Variants in BEND3 observed in about 807,000 individuals in gnomAD.
BEND3 encodes BEN domain-containing protein 3.
A neutral mutation model predicts 60.1 loss-of-function variants in BEND3; 13 were observed. That is an observed-to-expected ratio of 0.22 (90% CI 0.14 to 0.34). The LOEUF is 0.34. BEND3 is among the 10% of genes least tolerant of loss of function. The probability of loss-of-function intolerance (pLI) is 1.00; values close to 1 mark genes in which losing one functional copy is unlikely to be tolerated. For missense variants in BEND3, 896 were observed against 1,138.1 expected (o/e 0.79, Z 3.06); for synonymous variants, 497 against 491.5 (o/e 1.01, Z -0.15).
chr6:107,087,520 C>T (rs782790656), intron 3 of BEND3, among the ~76,000 whole-genome samples: 2 of 151,964 alleles, frequency 1.3e-5, no homozygotes, highest in Non-Finnish European at 2.9e-5. Flanking sequence ...CGGCGGATCA[C>T]GAGGTCAGGA....
chr6:107,089,530 G>A (rs1410957746), intron 3 of BEND3, among the ~76,000 whole-genome samples: 6 of 149,278 alleles, frequency 4.0e-5, no homozygotes, highest in African/African-American at 1.5e-4. Flanking sequence ...AGCTTGCAGT[G>A]AGCCAAGATC....
intron 3 of BEND3, among the ~76,000 whole-genome samples, chr6:107,079,059 G>A (rs994506228): frequency 5.3e-5 from 8 of 152,040 alleles, no homozygotes; most frequent in Admixed American, 6.5e-5. Flanking sequence ...CCAGAGGAGC[G>A]GATCAGTGGA....
intron 3 of BEND3, among the ~76,000 whole-genome samples, chr6:107,078,736 G>A (rs935220866): frequency 4.6e-5 from 7 of 151,002 alleles, no homozygotes; most frequent in African/African-American, 9.7e-5. Flanking sequence ...CCCTCATGAC[G>A]GTGGAGGAAC....
intron 1 of BEND3, among the ~76,000 whole-genome samples, chr6:107,103,963 G>C (rs199773688): frequency 2.3e-4 from 2 of 8,826 alleles, no homozygotes; most frequent in African/African-American, 1.7e-3. Context: ...AAAAAAAAAA[G>C]AAAGAAAGAA....
intron 3 of BEND3, among the ~76,000 whole-genome samples, chr6:107,097,755 A>G (rs185483068): frequency 2.6e-4 from 35 of 132,780 alleles, no homozygotes; most frequent in Non-Finnish European, 4.9e-4. Context: ...GCGCCACTGC[A>G]CTCCAGCCTG....
intron 1 of BEND3, among the ~76,000 whole-genome samples, chr6:107,111,433 C>T (rs1305888876): frequency 6.6e-5 from 10 of 151,876 alleles, no homozygotes; most frequent in African/African-American, 2.4e-4. Flanking sequence ...ATCACTTGAA[C>T]CCAGGAGGCG....
chr6:107,090,218 A>G (rs1554234956), intron 3 of BEND3, among the ~76,000 whole-genome samples: 1 of 152,094 alleles, frequency 6.6e-6, no homozygotes, highest in Non-Finnish European at 1.5e-5. Context: ...GTGTGGTAGC[A>G]TGTGCCTGTA....
chr6:107,081,222 C>CT lies in BEND3; in HGVS notation c.241-10273dup, dbSNP rs371738822. ...AGCGCCTGGCCTCAATTTACACAAACTTTTTTTTTTTTTTTTGAGATGGAA... is the reference window on the plus strand; with the variant it reads ...AGCGCCTGGCCTCAATTTACACAAACTTTTTTTTTTTTTTTTTGAGATGGAA... On this transcript the variant is annotated intron_variant, in intron 3 of 3. Transcript: ENST00000369042. Among the ~76,000 whole-genome samples, 740 of 128,382 alleles carry CT rather than the reference C, an allele frequency of 5.8e-3. 13 individuals are homozygous for CT. The East Asian group carries it at 0.061, about 11-fold the overall frequency. 84.2% of individuals were successfully genotyped at this position (128,382 alleles called of 152,430 possible).
chr6:107,086,870 C>T (rs1174402540), intron 3 of BEND3, among the ~76,000 whole-genome samples: 2 of 151,350 alleles, frequency 1.3e-5, no homozygotes, highest in Non-Finnish European at 2.9e-5. Context: ...ACTAAAACTA[C>T]AAAAATAAGC....
intron 1 of BEND3, among the ~76,000 whole-genome samples, chr6:107,105,789 G>A (rs921469442): frequency 4.6e-5 from 7 of 152,204 alleles, no homozygotes; most frequent in African/African-American, 9.6e-5. Context: ...TGAGGTGCCA[G>A]TCCAGGAAGA....
chr6:107,110,581 C>CA (rs1349166408), intron 1 of BEND3, among the ~76,000 whole-genome samples: 1 of 152,058 alleles, frequency 6.6e-6, no homozygotes, highest in Non-Finnish European at 1.5e-5. Flanking sequence ...CTTTTTGAGA[C>CA]AGAGTCTTGC....
intron 3 of BEND3, among the ~76,000 whole-genome samples, chr6:107,091,906 T>G (rs1168758072): frequency 2.0e-5 from 3 of 152,078 alleles, no homozygotes; most frequent in Non-Finnish European, 4.4e-5. Context: ...CAATAAAACA[T>G]TAGCAGGAGA....
intron 3 of BEND3, among the ~76,000 whole-genome samples, chr6:107,097,141 C>T (rs1428899153): frequency 2.0e-5 from 3 of 151,876 alleles, no homozygotes; most frequent in Admixed American, 6.6e-5. Context: ...CTGAGGCAGG[C>T]GGATCACCTG....
At chr6:107,098,519 C>T in intron 3 of BEND3, 32 bp downstream of exon 3, 2 of 1,604,558 alleles carry the variant, frequency 1.2e-6, no homozygotes, top group Non-Finnish European at 1.7e-6. Context: ...GGTTAGAGCC[C>T]AAGCAAAGAG....
intron 3 of BEND3, among the ~76,000 whole-genome samples, chr6:107,088,243 T>C (rs1211127405): frequency 6.6e-6 from 1 of 152,078 alleles, no homozygotes; most frequent in African/African-American, 2.4e-5. Flanking sequence ...ATCTCTGCAT[T>C]TGAGGATATC....
intron 3 of BEND3, among the ~76,000 whole-genome samples, chr6:107,094,664 A>C (rs1554235713): frequency 7.2e-6 from 1 of 139,182 alleles, no homozygotes; most frequent in Non-Finnish European, 1.6e-5. Flanking sequence ...ATAAATAAAT[A>C]AAACGAACAA....
chr6:107,105,485 A>T lies in BEND3; in HGVS notation c.-11-6189T>A, dbSNP rs187996906. ...TCCCTGTCCAGCCCATAGATTTCCA[A>T]AAGGACATTCTCTAGTGAACCCATA... On this transcript the variant is annotated intron_variant, in intron 1 of 3. Coordinates refer to ENST00000369042, the MANE Select transcript of BEND3 (RefSeq NM_001367314.1). 5.7e-3 allele frequency among the ~76,000 whole-genome samples: 864 copies of T among 152,220 alleles called. 12 individuals carry two copies. The highest frequency in any genetic ancestry group is 0.019 in the African/African-American group (804 of 41,536).
rs559431190 is a variant in BEND3 at position 107,069,714 on chromosome 6, G to A, written c.1477C>T (p.Pro493Ser). 4 of 1,610,716 alleles carry A rather than the reference G, an allele frequency of 2.5e-6. No individual in the cohort carries two copies. The South Asian group carries it at 4.4e-5, about 18-fold the overall frequency. Reference protein sequence around the residue: ...LGLDAGSEGDPPRDDCYDSSS... With the variant: ...LGLDAGSEGDSPRDDCYDSSS... The stretch of plus-strand genomic sequence containing the variant: ...GAGTCGTAGCAGTCATCACGCGGGG[G>A]GTCGCCTTCACTGCCCGCGTCCAGC... Residue 493 changes from proline to serine, a missense_variant, in exon 4 of 4, where the codon CCC (proline) becomes TCC (serine). Coordinates refer to ENST00000369042, the MANE Select transcript of BEND3 (RefSeq NM_001367314.1).
chr6:107,076,866 T>C (rs1211286359), intron 3 of BEND3, among the ~76,000 whole-genome samples: 2 of 152,072 alleles, frequency 1.3e-5, no homozygotes, highest in Admixed American at 6.6e-5. Context: ...AGGATCTCAC[T>C]CTGTTGCCCA....
Sources: gnomAD v4.1 joint callset for allele counts (sites outside exome capture counted in the v4.1 genomes callset) on GRCh38, gnomAD v4.1.1 for gene constraint, MANE v1.5 for transcripts, NCBI Gene and HGNC (gene_info 2026-07-23, HGNC 2026-07-21) for gene names.